Variants in WIPF1 observed in about 807,000 individuals in gnomAD.
WIPF1 encodes WAS/WASL interacting protein family member 1, also known as WAS/WASL-interacting protein family member 1.
A neutral mutation model predicts 35.4 loss-of-function variants in WIPF1; 13 were observed. The ratio of observed to expected loss-of-function variants is 0.37; its 90% CI spans 0.24 to 0.58. The LOEUF (loss-of-function observed/expected upper bound fraction) is 0.58. Ranked by LOEUF, WIPF1 falls within the 20% of genes least tolerant of loss-of-function variation. The probability of loss-of-function intolerance (pLI) is 0.74; values close to 1 mark genes in which losing one functional copy is unlikely to be tolerated. For synonymous variants in WIPF1, 267 were observed against 266.3 expected, an observed-to-expected ratio of 1.00 and a Z score of -0.02; for missense variants, 591 against 667.0, an observed-to-expected ratio of 0.89 and a Z score of 1.25.
intron 1 of WIPF1, among the ~76,000 whole-genome samples, chr2:174,646,464 T>C (rs1055847247): frequency 2.0e-5 from 3 of 152,256 alleles, no homozygotes; most frequent in Non-Finnish European, 4.4e-5. Context: ...ATAACTTTAG[T>C]ATTATTCAAT....
Position 174,571,278 on chromosome 2 carries a change from G to C in WIPF1, c.1129+398C>G. The C allele has an allele frequency of 2.4e-6, 1 of 422,500 alleles. No homozygotes were observed. Among genetic ancestry groups the C allele is most frequent in the East Asian group, 4.7e-5 (1 of 21,408 alleles). The allele number at this position is 422,500 out of a possible 1,614,324, so 26.2% of individuals were successfully genotyped here. On this transcript the variant is annotated intron_variant, in intron 5 of 7. Coordinates refer to ENST00000679041, the MANE Select transcript of WIPF1 (RefSeq NM_001375834.1). This position sits in a 1 kb window ranked among gnomAD's most constrained non-coding sequence, Gnocchi z 4.6. ...TAGCTCTTGAAGAACTTCCCCTCTT[G>C]TTGGAATAACAGAGCCCTCCTGCGG... is the stretch of plus-strand genomic sequence containing the variant.
chr2:174,616,709 T>C (rs1039808941), intron 1 of WIPF1, among the ~76,000 whole-genome samples: 1 of 152,246 alleles, frequency 6.6e-6, no homozygotes, highest in Non-Finnish European at 1.5e-5. Flanking sequence ...GAAAATTATT[T>C]AGAGTTTTCT....
intron 1 of WIPF1, among the ~76,000 whole-genome samples, chr2:174,649,168 A>G (rs139993516): frequency 6.6e-6 from 1 of 152,308 alleles, no homozygotes; most frequent in East Asian, 1.9e-4. Context: ...AGGCCATACT[A>G]GGGGTGATTC....
intron 1 of WIPF1, chr2:174,587,709 T>C (rs1251046753): frequency 5.9e-5 from 9 of 152,348 alleles, no homozygotes; most frequent in South Asian, 2.1e-4. Flanking sequence ...CTGTGCTCAT[T>C]TGATAGACTC....
chr2:174,672,307 A>T (rs1240052530), intron 1 of WIPF1, among the ~76,000 whole-genome samples: 1 of 152,224 alleles, frequency 6.6e-6, no homozygotes, highest in Non-Finnish European at 1.5e-5. Context: ...TTTTTATTGG[A>T]TGTAAATAAA....
rs1272643947 is a variant in WIPF1 at position 174,585,557 on chromosome 2, G to A, written c.17C>T (p.Pro6Leu). MPVPP[P>L]PAPPPPPTFA... The stretch of plus-strand genomic sequence containing the variant: ...CGTCGGGGGCGGCGGGGGTGCTGGA[G>A]GGGGAGGGACAGGCATCTTGGGCAG... The change falls in exon 2 of 8, where the codon CCT (proline) becomes CTT (leucine). Residue 6 changes from proline to leucine, a missense_variant. Physicochemically the swap from Pro to Leu is moderately conservative, Grantham distance 98. Transcript: ENST00000679041. 6.2e-7 allele frequency: 1 copy of A among 1,611,938 alleles called. No individual in the cohort carries two copies. Among genetic ancestry groups the A allele is most frequent in the Admixed American group, 1.7e-5 (1 of 59,268 alleles).
intron 1 of WIPF1, chr2:174,665,694 C>CT (rs1468158285): frequency 6.6e-6 from 1 of 152,074 alleles, no homozygotes; most frequent in Admixed American, 6.5e-5. Context: ...TTTTATAAAA[C>CT]TTTTGTTTTT....
chr2:174,606,508 G>GA (rs956518734), intron 1 of WIPF1, among the ~76,000 whole-genome samples: 2 of 152,156 alleles, frequency 1.3e-5, no homozygotes, highest in African/African-American at 4.8e-5. Context: ...GTGAGGGCCT[G>GA]ACACGCAGGC....
At chr2:174,600,255 A>G (rs1315886024), upstream of WIPF1, among the ~76,000 whole-genome samples, 1 of 152,172 alleles carries the variant, frequency 6.6e-6, no homozygotes, top group African/African-American at 2.4e-5. Context: ...CATGCAAGGG[A>G]GTAGTTGTGT....
upstream of WIPF1, among the ~76,000 whole-genome samples, chr2:174,600,105 G>A (rs73026159): frequency 0.031 from 4,759 of 152,232 alleles, 287 homozygotes; most frequent in African/African-American, 0.11. Context: ...GAGCTCAGGA[G>A]GGAACACTTG....
At chr2:174,608,023 G>C (rs1005338103) in intron 1 of WIPF1, among the ~76,000 whole-genome samples, 1 of 152,154 alleles carries the variant, frequency 6.6e-6, no homozygotes, top group African/African-American at 2.4e-5. Context: ...AAAAAGACCT[G>C]GGGAGGCTCT....
intron 2 of WIPF1, among the ~76,000 whole-genome samples, chr2:174,581,784 A>G (rs1346785087): frequency 6.6e-6 from 1 of 152,182 alleles, no homozygotes; most frequent in African/African-American, 2.4e-5. Context: ...ATTCTGCAGG[A>G]CATTACCAGA....
chr2:174,577,079 C>T (rs150936103), intron 3 of WIPF1, among the ~76,000 whole-genome samples: 1 of 152,216 alleles, frequency 6.6e-6, no homozygotes, highest in African/African-American at 2.4e-5. Context: ...ATTACACATG[C>T]TTTTTGTTAG....
intron 1 of WIPF1, among the ~76,000 whole-genome samples, chr2:174,607,219 C>T (rs944223521): frequency 1.4e-4 from 21 of 152,070 alleles, no homozygotes; most frequent in Non-Finnish European, 2.2e-4. Context: ...CTGGCTAACA[C>T]GGTGAAACCC....
At chr2:174,646,704 C>T (rs1158852659) in intron 1 of WIPF1, among the ~76,000 whole-genome samples, 1 of 152,144 alleles carries the variant, frequency 6.6e-6, no homozygotes, top group African/African-American at 2.4e-5. Flanking sequence ...GCAACCTCCA[C>T]CTCCCAGGCT....
intron 1 of WIPF1, among the ~76,000 whole-genome samples, chr2:174,629,238 A>C (rs1033224312): frequency 6.6e-6 from 1 of 152,250 alleles, no homozygotes; most frequent in Non-Finnish European, 1.5e-5. Flanking sequence ...ATCAAAAAAA[A>C]GTAAACTATT....
rs1684457480 is a variant in WIPF1, at chr2:174,560,492, G to A, written c.*2055C>T. 1 of 152,518 alleles carries A rather than the reference G, an allele frequency of 6.6e-6. No homozygotes were observed. The highest frequency in any genetic ancestry group is 2.1e-4 in the South Asian group (1 of 4,812). 9.4% of individuals were successfully genotyped at this position (152,518 alleles called of 1,614,324 possible). ...AAATGGGTCATTAGGCTTTATCATAGGGATGTTTTTCACTGTTGAAATCAG... is the reference window on the plus strand; with the variant it reads ...AAATGGGTCATTAGGCTTTATCATAAGGATGTTTTTCACTGTTGAAATCAG... On this transcript the variant is annotated 3_prime_UTR_variant, in exon 8 of 8. Transcript: ENST00000679041.
chr2:174,581,581 C>A (rs1287071306), intron 2 of WIPF1, 142 bp from the exon 3 acceptor site: 8 of 1,010,124 alleles, frequency 7.9e-6, no homozygotes, highest in Non-Finnish European at 1.1e-5. Context: ...AAGTTTTAGA[C>A]CCCATATCTT....
rs1686695954 is a variant in WIPF1, at chr2:174,622,150, C to A, written c.-38-36539G>T. On this transcript the variant is annotated intron_variant, in intron 1 of 8. Transcript: ENST00000272746. The surrounding 1 kb of genome is among the most constrained non-coding windows in gnomAD (Gnocchi z 5.1). ...GACAGCAACCTGACTGAATTTAGAG[C>A]CATGAATTTGTTATCTCTTAATGTG... Among the ~76,000 whole-genome samples, 1 of 152,152 alleles carries A rather than the reference C, an allele frequency of 6.6e-6. No homozygotes were observed. Among genetic ancestry groups the A allele is most frequent in the Non-Finnish European group, 1.5e-5 (1 of 68,020 alleles).
Sources: allele counts gnomAD v4.1 joint callset (sites outside exome capture counted in the v4.1 genomes callset), GRCh38; gene constraint gnomAD v4.1.1; non-coding constraint Gnocchi (gnomAD v3.1); transcripts MANE v1.5; gene names NCBI Gene and HGNC (gene_info 2026-07-23, HGNC 2026-07-21).